The following EML6 variants were observed in gnomAD, a reference collection of about 807,000 sequenced individuals.
The protein encoded by EML6 is echinoderm microtubule-associated protein-like 6.
EML6 carries 154 observed loss-of-function variants against 240.1 expected under a neutral mutation model. The ratio of observed to expected loss-of-function variants is 0.64; its 90% CI spans 0.56 to 0.73. The LOEUF is 0.73. Ranked by LOEUF, EML6 falls within the 30% of genes least tolerant of loss-of-function variation. The pLI, the probability that EML6 is intolerant of heterozygous loss-of-function variation, is 0.00. For missense variants in EML6, 2,964 were observed against 2,474.6 expected (o/e 1.20, Z -4.20); for synonymous variants, 1,148 against 899.0 (o/e 1.28, Z -4.95).
At chr2:54,811,083 T>C (rs1175988563) in intron 2 of EML6, among the ~76,000 whole-genome samples, 2 of 152,098 alleles carry the variant, frequency 1.3e-5, no homozygotes, top group African/African-American at 4.8e-5. Context: ...CAGTAGCTCT[T>C]GACTCTTCTT....
intron 7 of EML6, among the ~76,000 whole-genome samples, chr2:54,838,845 C>T (rs1410314761): frequency 6.6e-6 from 1 of 152,276 alleles, no homozygotes; most frequent in African/African-American, 2.4e-5. Flanking sequence ...TGTGGTGAAA[C>T]GCCTTCAGTT....
In EML6 at chr2:54,970,236, G is replaced by GTTGTGTAACTTCTGC; in HGVS notation, c.*141_*142insTTGTGTAACTTCTGC. On this transcript the variant is annotated 3_prime_UTR_variant, in exon 42 of 42. Coordinates refer to ENST00000356458, the MANE Select transcript of EML6 (RefSeq NM_001039753.4). ...GGATGCACAAGCTCAAAACGCTGCAGAAGTTACACAACTGCTCCCATAATC... is the reference window on the plus strand; with the variant it reads ...GGATGCACAAGCTCAAAACGCTGCAGTTGTGTAACTTCTGCAAGTTACACAACTGCTCCCATAATC... 1 of 797,412 alleles carries GTTGTGTAACTTCTGC rather than the reference G, an allele frequency of 1.3e-6. No individual in the cohort carries two copies. The highest frequency in any genetic ancestry group is 2.1e-6 in the Non-Finnish European group (1 of 474,064). 49.4% of individuals were successfully genotyped at this position (797,412 alleles called of 1,614,324 possible).
intron 2 of EML6, among the ~76,000 whole-genome samples, chr2:54,801,296 C>T (rs1021172183): frequency 2.1e-5 from 3 of 142,758 alleles, no homozygotes; most frequent in Non-Finnish European, 4.5e-5. Context: ...GCCTGGGCTA[C>T]AGAGCGAGAC....
At chr2:54,742,531 G>A (rs983319077) in intron 2 of EML6, among the ~76,000 whole-genome samples, 6 of 152,100 alleles carry the variant, frequency 3.9e-5, no homozygotes, top group African/African-American at 1.2e-4. Flanking sequence ...TCTTAAACAC[G>A]TCTCAATTCT....
chr2:54,811,862 C>A (rs1317974290), intron 2 of EML6, among the ~76,000 whole-genome samples: 1 of 152,224 alleles, frequency 6.6e-6, no homozygotes, highest in African/African-American at 2.4e-5. Flanking sequence ...AAGTGTTCTA[C>A]AACCTTAAAA....
intron 2 of EML6, among the ~76,000 whole-genome samples, chr2:54,755,018 T>C (rs1431998272): frequency 2.6e-5 from 4 of 152,264 alleles, no homozygotes; most frequent in Non-Finnish European, 4.4e-5. Flanking sequence ...AGAAACTTTA[T>C]TGATTTACCT....
intron 25 of EML6, among the ~76,000 whole-genome samples, chr2:54,911,664 T>C (rs1673646256): frequency 6.6e-6 from 1 of 152,184 alleles, no homozygotes; most frequent in South Asian, 2.1e-4. Flanking sequence ...CTCGAACTCC[T>C]AACCTCAGGT....
At chr2:54,780,426 T>C (rs1162964625) in intron 2 of EML6, among the ~76,000 whole-genome samples, 1 of 152,194 alleles carries the variant, frequency 6.6e-6, no homozygotes, top group Non-Finnish European at 1.5e-5. Flanking sequence ...CCAGAAATAT[T>C]TGACCTGATA....
chr2:54,884,203 A>T (rs1026729795), intron 17 of EML6, among the ~76,000 whole-genome samples: 1 of 149,776 alleles, frequency 6.7e-6, no homozygotes, highest in African/African-American at 2.5e-5. Flanking sequence ...GAACTCGGAC[A>T]TACTTACTTC....
chr2:54,868,953 C>G, intron 14 of EML6: 1 of 456,390 alleles, frequency 2.2e-6, no homozygotes, highest in Non-Finnish European at 3.9e-6. Context: ...AGCTGAGGAT[C>G]TGCTAACAGA....
intron 26 of EML6, among the ~76,000 whole-genome samples, chr2:54,924,431 T>G (rs1371485980): frequency 6.6e-6 from 1 of 152,222 alleles, no homozygotes; most frequent in East Asian, 1.9e-4. Context: ...AATTATCTTT[T>G]CATTCTTGAG....
chr2:54,847,408 C>T lies in EML6; in HGVS notation c.1050-78C>T, dbSNP rs144791506. ...TTCTTGTTACTGTTGGTGTGGTGAGCAGCCCTTCTTGCCTTGGGCTGGCCG... is the reference window on the plus strand; with the variant it reads ...TTCTTGTTACTGTTGGTGTGGTGAGTAGCCCTTCTTGCCTTGGGCTGGCCG... On this transcript the variant is annotated intron_variant, in intron 8 of 41. Coordinates refer to ENST00000356458, the MANE Select transcript of EML6 (RefSeq NM_001039753.4). 1.3e-3 allele frequency: 1,843 copies of T among 1,454,488 alleles called. 7 individuals carry two copies. The African/African-American group carries it at 0.013, about 10-fold the overall frequency. 90.1% of individuals were successfully genotyped at this position (1,454,488 alleles called of 1,614,324 possible).
chr2:54,791,676 G>A (rs1215870133), intron 2 of EML6, among the ~76,000 whole-genome samples: 2 of 152,156 alleles, frequency 1.3e-5, no homozygotes, highest in Non-Finnish European at 2.9e-5. Context: ...CTATAACTGT[G>A]ATGTTAGCCT....
chr2:54,963,531 G>GGGCC (rs1186934810), intron 36 of EML6, among the ~76,000 whole-genome samples: 2 of 152,188 alleles, frequency 1.3e-5, no homozygotes, highest in African/African-American at 2.4e-5. Flanking sequence ...CCAGGATTCA[G>GGGCC]AATTTGAACT....
At position 54,923,864 on chromosome 2, in the gene EML6, A is replaced by G. The variant is rs549122619; in HGVS notation, c.3676-4449A>G. Among the ~76,000 whole-genome samples, 59 of 152,338 alleles carry G rather than the reference A, an allele frequency of 3.9e-4. 1 individual carries two copies. Among genetic ancestry groups the G allele is most frequent in the Admixed American group, 3.6e-3 (55 of 15,292 alleles). The stretch of plus-strand genomic sequence containing the variant: ...TTTCACCATAAATTTTACCTGTTTA[A>G]GAATTTCATATAAATGAAATAGGTA... On this transcript the variant is annotated intron_variant, in intron 26 of 41. Coordinates refer to ENST00000356458, the MANE Select transcript of EML6 (RefSeq NM_001039753.4).
chr2:54,956,589 T>TC (rs1676243453), intron 32 of EML6, among the ~76,000 whole-genome samples: 1 of 152,002 alleles, frequency 6.6e-6, no homozygotes, highest in Admixed American at 6.6e-5. Flanking sequence ...AGTCAGAGAT[T>TC]CCATATGCAG....
chr2:54,916,853 C>G lies in EML6; in HGVS notation c.3593C>G (p.Ala1198Gly), dbSNP rs1367717063. ...PAHSDITDVN[A>G]ASLTKDCSLL... ...CATAGCGATATAACTGACGTAAATG[C>G]TGCCAGTCTTACCAAAGACTGTTCC... The change falls in exon 26 of 42, where the codon GCT (alanine) becomes GGT (glycine). Residue 1198 changes from alanine to glycine, a missense_variant. By Grantham distance (60) the Ala-to-Gly change is moderately conservative. Coordinates refer to ENST00000356458, the MANE Select transcript of EML6 (RefSeq NM_001039753.4). 1.3e-6 allele frequency: 2 copies of G among 1,551,016 alleles called. No homozygotes were observed. Among genetic ancestry groups the G allele is most frequent in the Non-Finnish European group, 1.7e-6 (2 of 1,146,422 alleles).
intron 15 of EML6, among the ~76,000 whole-genome samples, chr2:54,870,226 T>A (rs1247370342): frequency 6.6e-6 from 1 of 152,160 alleles, no homozygotes; most frequent in Non-Finnish European, 1.5e-5. Flanking sequence ...GTTCATAACC[T>A]GGGGTTCATG....
At chr2:54,800,839 A>C (rs894298041) in intron 2 of EML6, among the ~76,000 whole-genome samples, 2 of 151,884 alleles carry the variant, frequency 1.3e-5, no homozygotes, top group African/African-American at 4.8e-5. Flanking sequence ...AGGATCCTCA[A>C]CTCCAGCCCA....
Sources: allele counts gnomAD v4.1 joint callset (sites outside exome capture counted in the v4.1 genomes callset), GRCh38; gene constraint gnomAD v4.1.1; transcripts MANE v1.5; gene names NCBI Gene and HGNC (gene_info 2026-07-23, HGNC 2026-07-21).